TRPV3: variants seen among roughly 807,000 people sequenced by gnomAD.
TRPV3 encodes transient receptor potential cation channel subfamily V member 3, also known as VRL-3.
In TRPV3, 88 loss-of-function variants were observed where a neutral mutation model predicts 87.1. The observed-to-expected ratio is 1.01, with a 90% CI of 0.85 to 1.21. The LOEUF (loss-of-function observed/expected upper bound fraction) is 1.21. TRPV3 is among the 50% of genes most tolerant of loss of function. TRPV3 has a pLI of 0.00. For synonymous variants in TRPV3, 438 were observed against 423.3 expected (o/e 1.03, Z -0.43); for missense variants, 1,054 against 1,030.1 (o/e 1.02, Z -0.32).
At chr17:3,526,994 G>C (rs2074306087) in intron 11 of TRPV3, 67 bp from the exon 12 acceptor site, 1 of 1,323,592 alleles carries the variant, frequency 7.6e-7, no homozygotes, top group Non-Finnish European at 1.1e-6. Context: ...CTGAGCAGAG[G>C]GTGCTTCCCC....
At chr17:3,548,520 G>A (rs946585125) in intron 2 of TRPV3, among the ~76,000 whole-genome samples, 4 of 152,200 alleles carry the variant, frequency 2.6e-5, no homozygotes, top group Non-Finnish European at 4.4e-5. Context: ...TCCTGGGGTG[G>A]GGCAAGCAGG....
chr17:3,541,865 A>G (rs935704484), intron 6 of TRPV3, among the ~76,000 whole-genome samples: 2 of 152,196 alleles, frequency 1.3e-5, no homozygotes, highest in Non-Finnish European at 2.9e-5. Context: ...CTGTCACACT[A>G]TCTTCATTTA....
chr17:3,532,953 A>G lies in TRPV3; in HGVS notation c.785-16T>C, dbSNP rs375132008. 2.4e-5 allele frequency: 39 copies of G among 1,611,550 alleles called. 1 individual carries two copies. Among genetic ancestry groups the G allele is most frequent in the Middle Eastern group, 1.6e-4 (1 of 6,074 alleles). On this transcript the variant is annotated splice_polypyrimidine_tract_variant and intron_variant, in intron 7 of 17. Transcript: ENST00000576742. ...GGCGTCTCACCTGGGGGATGAGCGC[A>G]CTGAAGCTTGGTTCTCTCATGGGCC...
Position 3,528,220 on chromosome 17 carries a change from A to C in TRPV3, c.1402-94T>G. Reference sequence around the variant, plus strand: ...GGACCAAAACCCAGGTGAAACACTCAAGCCGGGCCAGAGACCAGCATGAAA... The same window carrying C: ...GGACCAAAACCCAGGTGAAACACTCCAGCCGGGCCAGAGACCAGCATGAAA... On this transcript the variant is annotated intron_variant, in intron 10 of 17. Transcript: ENST00000576742. The surrounding 1 kb of genome is among the most constrained non-coding windows in gnomAD (Gnocchi z 4.2). The C allele has an allele frequency of 8.6e-5, 77 of 893,352 alleles. No individual in the cohort carries two copies. The highest frequency in any genetic ancestry group is 1.2e-4 in the Non-Finnish European group (70 of 589,726). 55.3% of individuals were successfully genotyped at this position (893,352 alleles called of 1,614,324 possible).
intron 6 of TRPV3, among the ~76,000 whole-genome samples, chr17:3,540,908 G>T (rs2074453052): frequency 6.6e-6 from 1 of 152,152 alleles, no homozygotes; most frequent in Non-Finnish European, 1.5e-5. Flanking sequence ...TCTTCCCTAG[G>T]TTTCCTCTCC....
chr17:3,552,057 AT>A (rs537778250), intron 2 of TRPV3, among the ~76,000 whole-genome samples: 8 of 145,182 alleles, frequency 5.5e-5, no homozygotes, highest in Non-Finnish European at 4.5e-5. Flanking sequence ...TAATTTTTGT[AT>A]TTTTTTTTAG....
In TRPV3 at chr17:3,528,725, C is replaced by T. The variant is rs926137385; in HGVS notation, c.1401+112G>A. Reference sequence around the variant, plus strand: ...AGCGTGAAGGACAACTGGGGGACCCCGCCCAATCTCCTGGTCTCTCTGGGC... The same window carrying T: ...AGCGTGAAGGACAACTGGGGGACCCTGCCCAATCTCCTGGTCTCTCTGGGC... On this transcript the variant is annotated intron_variant, in intron 10 of 17. Coordinates refer to ENST00000576742, the MANE Select transcript of TRPV3 (RefSeq NM_145068.4). The surrounding 1 kb of genome is among the most constrained non-coding windows in gnomAD (Gnocchi z 4.2). 2.1e-5 allele frequency: 28 copies of T among 1,308,056 alleles called. No homozygotes were observed. Among genetic ancestry groups the T allele is most frequent in the African/African-American group, 4.4e-5 (3 of 67,732 alleles). The allele number at this position is 1,308,056 out of a possible 1,614,324, so 81.0% of individuals were successfully genotyped here. A position where few individuals can be genotyped will look rare whatever the true frequency, so the allele number is the denominator to read the frequency against.
intron 2 of TRPV3, among the ~76,000 whole-genome samples, chr17:3,549,768 AGAT>A (rs1398362936): frequency 6.7e-6 from 1 of 148,708 alleles, no homozygotes; most frequent in African/African-American, 2.5e-5. Flanking sequence ...ATGGATGGAT[AGAT>A]GATGCGTAGA....
intron 14 of TRPV3, among the ~76,000 whole-genome samples, chr17:3,519,720 G>GGATA (rs2074223742): frequency 6.8e-6 from 1 of 147,600 alleles, no homozygotes. Flanking sequence ...ATGGATGGAT[G>GGATA]GATGGATGGA....
chr17:3,521,489 T>C (rs990990887), intron 13 of TRPV3, among the ~76,000 whole-genome samples: 15 of 152,282 alleles, frequency 9.9e-5, no homozygotes, highest in Middle Eastern at 6.8e-3. Context: ...ATGATGACTA[T>C]AGTGAACAAT....
Position 3,530,728 on chromosome 17 carries a change from T to C in TRPV3, c.1066-525A>G, listed in dbSNP as rs1005642355. ...CGGTAGGCCAGTGATCCTCAAACTC[T>C]GCTGCATGTTAGGGCTGCTGGGAAA... On this transcript the variant is annotated intron_variant, in intron 8 of 17. Transcript: ENST00000576742. The surrounding 1 kb of genome is among the most constrained non-coding windows in gnomAD (Gnocchi z 4.0). Among the ~76,000 whole-genome samples the C allele has an allele frequency of 6.6e-6, 1 of 152,132 alleles. No homozygotes were observed. Among genetic ancestry groups the C allele is most frequent in the Non-Finnish European group, 1.5e-5 (1 of 68,016 alleles).
intron 1 of TRPV3, among the ~76,000 whole-genome samples, chr17:3,555,614 A>G (rs544727236): frequency 1.4e-3 from 219 of 151,496 alleles, no homozygotes; most frequent in African/African-American, 4.9e-3. Context: ...CTGATGCTCA[A>G]TGTGGGCTGG....
intron 6 of TRPV3, among the ~76,000 whole-genome samples, chr17:3,540,219 C>T (rs1002090367): frequency 1.3e-5 from 2 of 152,026 alleles, no homozygotes; most frequent in Non-Finnish European, 2.9e-5. Context: ...AGAGTGGTCA[C>T]CTTGGGTCCT....
Position 3,557,068 on chromosome 17 carries a change from T to C in TRPV3, c.-3+608A>G, listed in dbSNP as rs1052907484. 3.9e-5 allele frequency among the ~76,000 whole-genome samples: 6 copies of C among 152,054 alleles called. No homozygotes were observed. The highest frequency in any genetic ancestry group is 1.4e-4 in the African/African-American group (6 of 41,404). On this transcript the variant is annotated intron_variant, in intron 1 of 17. Coordinates refer to ENST00000576742, the MANE Select transcript of TRPV3 (RefSeq NM_145068.4). The surrounding 1 kb of genome is among the most constrained non-coding windows in gnomAD (Gnocchi z 4.5). ...GGGGCAGGAGAGGCTCAGGGAACTC[T>C]GGACTAGGGCCGCAGCAGCTATCAT...
chr17:3,532,741 C>G lies in TRPV3; in HGVS notation c.981G>C (p.Arg327=), dbSNP rs1281396248. 2 of 1,614,138 alleles carry G rather than the reference C, an allele frequency of 1.2e-6. No individual in the cohort carries two copies. Among genetic ancestry groups the G allele is most frequent in the South Asian group, 2.2e-5 (2 of 91,086 alleles). Residue 327 remains arginine, a synonymous_variant, in exon 8 of 18, where the codon CGG becomes CGC. Coordinates refer to ENST00000576742, the MANE Select transcript of TRPV3 (RefSeq NM_145068.4). ...TGGTCTCCAGCTCCCAGTTGCCACT[C>G]CGCAGTAGGATCATGTCGTACATGC... is the stretch of plus-strand genomic sequence containing the variant. The part of the protein sequence containing the change: ...VKRMYDMILL[R]SGNWELETTR...
intron 17 of TRPV3, 31 bp downstream of exon 17, chr17:3,514,562 C>T (rs554076359): frequency 5.2e-5 from 80 of 1,526,470 alleles, no homozygotes; most frequent in Admixed American, 3.5e-4. Flanking sequence ...GAGACAGGAG[C>T]GGACACCATG....
chr17:3,521,199 T>A (rs2074242458), intron 13 of TRPV3, among the ~76,000 whole-genome samples, 160 bp from the exon 14 acceptor site: 1 of 139,088 alleles, frequency 7.2e-6, no homozygotes, highest in South Asian at 2.2e-4. Context: ...GCTCCAAGGC[T>A]CAACACTGGA....
Position 3,528,248 on chromosome 17 carries a change from T to C in TRPV3, c.1402-122A>G. ...CCGGGCCAGAGACCAGCATGAAACCTGATCTCTGTACAGGGCAAGAGAAGG... is the reference window on the plus strand; with the variant it reads ...CCGGGCCAGAGACCAGCATGAAACCCGATCTCTGTACAGGGCAAGAGAAGG... On this transcript the variant is annotated intron_variant, in intron 10 of 17. Coordinates refer to ENST00000576742, the MANE Select transcript of TRPV3 (RefSeq NM_145068.4). The surrounding 1 kb of genome is among the most constrained non-coding windows in gnomAD (Gnocchi z 4.2). The C allele has an allele frequency of 1.5e-6, 1 of 681,168 alleles. No homozygotes were observed. The highest frequency in any genetic ancestry group is 2.5e-6 in the Non-Finnish European group (1 of 405,054). 42.2% of individuals were successfully genotyped at this position (681,168 alleles called of 1,614,324 possible). A position where few individuals can be genotyped will look rare whatever the true frequency, so the allele number is the denominator to read the frequency against.
chr17:3,550,725 C>T (rs1023793053), intron 2 of TRPV3, among the ~76,000 whole-genome samples: 3 of 151,918 alleles, frequency 2.0e-5, no homozygotes, highest in African/African-American at 4.8e-5. Flanking sequence ...AGGGTTTCAC[C>T]GTGTTAGCCA....
Sources: allele counts gnomAD v4.1 joint callset (sites outside exome capture counted in the v4.1 genomes callset), GRCh38; gene constraint gnomAD v4.1.1; non-coding constraint Gnocchi (gnomAD v3.1); transcripts MANE v1.5; gene names NCBI Gene and HGNC (gene_info 2026-07-23, HGNC 2026-07-21).